The following GALNTL6 variants were observed in gnomAD, a reference collection of about 807,000 sequenced individuals.
The protein encoded by GALNTL6 is polypeptide N-acetylgalactosaminyltransferase like 6, also known as polypeptide N-acetylgalactosaminyltransferase-like 6.
A neutral mutation model predicts 73.7 loss-of-function variants in GALNTL6; 46 were observed. The observed-to-expected ratio is 0.62, with a 90% CI of 0.49 to 0.80. GALNTL6 has a LOEUF of 0.80. GALNTL6 is among the 30% of genes least tolerant of loss of function. The pLI is 0.00. For missense variants in GALNTL6, 604 were observed against 755.0 expected (o/e 0.80, Z 2.34); for synonymous variants, 259 against 263.7 (o/e 0.98, Z 0.17).
At chr4:172,047,133 G>A (rs570022180) in intron 2 of GALNTL6, among the ~76,000 whole-genome samples, 47 of 152,148 alleles carry the variant, frequency 3.1e-4, no homozygotes, top group Non-Finnish European at 4.0e-4. Flanking sequence ...TGAAACTTGC[G>A]CTCACTTCCT....
At chr4:172,701,325 A>G (rs1406376833) in intron 5 of GALNTL6, among the ~76,000 whole-genome samples, 1 of 152,124 alleles carries the variant, frequency 6.6e-6, no homozygotes, top group Non-Finnish European at 1.5e-5. Flanking sequence ...AGTTGCTATA[A>G]TTATTGGTGG....
At chr4:172,920,788 A>G (rs1240159645) in intron 8 of GALNTL6, among the ~76,000 whole-genome samples, 1 of 152,204 alleles carries the variant, frequency 6.6e-6, no homozygotes, top group Non-Finnish European at 1.5e-5. Flanking sequence ...TCTGGAATTA[A>G]CCTGACTTTA....
intron 2 of GALNTL6, among the ~76,000 whole-genome samples, chr4:172,225,147 T>C (rs1736809537): frequency 6.6e-6 from 1 of 152,030 alleles, no homozygotes; most frequent in Admixed American, 6.6e-5. Context: ...TGTACTATTG[T>C]AATCAAACAG....
intron 7 of GALNTL6, among the ~76,000 whole-genome samples, chr4:172,873,715 G>A (rs1054259181): frequency 6.6e-6 from 1 of 152,162 alleles, no homozygotes; most frequent in Non-Finnish European, 1.5e-5. Context: ...TATACCTGTA[G>A]ACTTTTTGCT....
intron 10 of GALNTL6, among the ~76,000 whole-genome samples, chr4:172,977,455 A>C (rs540213901): frequency 6.6e-6 from 1 of 152,300 alleles, no homozygotes; most frequent in East Asian, 1.9e-4. Flanking sequence ...TGCTGTCTCC[A>C]TCAGGTGGTT....
intron 5 of GALNTL6, among the ~76,000 whole-genome samples, chr4:172,442,862 G>GA (rs1005606127): frequency 4.6e-5 from 7 of 151,434 alleles, no homozygotes; most frequent in Admixed American, 2.0e-4. Context: ...TTTAATGAGA[G>GA]AAAAAAATAC....
intron 2 of GALNTL6, among the ~76,000 whole-genome samples, chr4:172,080,521 C>A (rs1267047682): frequency 6.6e-6 from 1 of 151,952 alleles, no homozygotes; most frequent in Non-Finnish European, 1.5e-5. Flanking sequence ...TTAGCAGGTA[C>A]ATGTATATAA....
At chr4:172,066,451 G>A (rs557578103) in intron 2 of GALNTL6, among the ~76,000 whole-genome samples, 1 of 151,768 alleles carries the variant, frequency 6.6e-6, no homozygotes, top group African/African-American at 2.4e-5. Context: ...AAATCTCAAA[G>A]CAGCTAAGTT....
At chr4:172,763,332 C>T (rs1738227068) in intron 5 of GALNTL6, among the ~76,000 whole-genome samples, 1 of 152,130 alleles carries the variant, frequency 6.6e-6, no homozygotes, top group Non-Finnish European at 1.5e-5. Context: ...CATTTTCTTT[C>T]ATTAAAACAT....
intron 3 of GALNTL6, among the ~76,000 whole-genome samples, chr4:172,291,436 A>C (rs1739466606): frequency 2.0e-5 from 3 of 152,140 alleles, no homozygotes; most frequent in Admixed American, 2.0e-4. Flanking sequence ...TGTTTATAAT[A>C]CTTAAAGATT....
chr4:172,348,376 A>ATTAATGCATTCCGTGAAGGAGCAGTTTGT (rs1741826830), intron 4 of GALNTL6, 147 bp from the exon 5 acceptor site: 2 of 558,534 alleles, frequency 3.6e-6, no homozygotes, highest in Non-Finnish European at 6.2e-6. Flanking sequence ...GGAGCAGGAT[A>ATTAATGCATTCCGTGAAGGAGCAGTTTGT]ACAATCATGC....
intron 2 of GALNTL6, among the ~76,000 whole-genome samples, chr4:172,202,825 A>G (rs1444923290): frequency 6.6e-6 from 1 of 152,192 alleles, no homozygotes; most frequent in African/African-American, 2.4e-5. Flanking sequence ...TTGTAAACAC[A>G]TTTTCACAAA....
chr4:172,528,319 AATATATATATATATATATAT>A (rs3083419), intron 5 of GALNTL6, among the ~76,000 whole-genome samples: 13,110 of 103,710 alleles, frequency 0.13, 1,058 homozygotes, highest in Admixed American at 0.24. Context: ...CTAGAAATAA[AATATATATATATATATATAT>A]ATATATATAT....
At chr4:171,996,538 G>A (rs75426263) in intron 2 of GALNTL6, among the ~76,000 whole-genome samples, 2,068 of 152,022 alleles carry the variant, frequency 0.014, 49 homozygotes, top group African/African-American at 0.047. Context: ...AAGACTGTGC[G>A]TTTGTCACAG....
intron 5 of GALNTL6, among the ~76,000 whole-genome samples, chr4:172,691,156 G>C (rs751521479): frequency 1.3e-5 from 2 of 152,200 alleles, no homozygotes; most frequent in Non-Finnish European, 2.9e-5. Context: ...GCTGGGGAGG[G>C]TAGAGGATGG....
intron 3 of GALNTL6, among the ~76,000 whole-genome samples, chr4:172,300,422 G>A (rs1739867835): frequency 6.6e-6 from 1 of 152,110 alleles, no homozygotes; most frequent in Non-Finnish European, 1.5e-5. Context: ...TATGATGTTA[G>A]CTGGTTATTT....
chr4:172,373,565 G>A (rs1217889301), intron 5 of GALNTL6, among the ~76,000 whole-genome samples: 2 of 152,208 alleles, frequency 1.3e-5, no homozygotes, highest in African/African-American at 2.4e-5. Context: ...AAGGAAAAGA[G>A]GTGGGGTCTT....
chr4:172,337,589 A>C (rs926658806), intron 4 of GALNTL6, among the ~76,000 whole-genome samples: 1 of 151,860 alleles, frequency 6.6e-6, no homozygotes, highest in African/African-American at 2.4e-5. Flanking sequence ...TATAGGCCTC[A>C]ATCTCTTCTG....
intron 3 of GALNTL6, among the ~76,000 whole-genome samples, chr4:172,254,316 A>G (rs928369350): frequency 1.3e-5 from 2 of 151,872 alleles, no homozygotes; most frequent in Non-Finnish European, 2.9e-5. Flanking sequence ...ACAAAAAAGT[A>G]GTGTATATGA....
Sources: allele counts gnomAD v4.1 joint callset (sites outside exome capture counted in the v4.1 genomes callset), GRCh38; gene constraint gnomAD v4.1.1; transcripts MANE v1.5; gene names NCBI Gene and HGNC (gene_info 2026-07-23, HGNC 2026-07-21).